ZNF681: variants seen among roughly 807,000 people sequenced by gnomAD.
The protein encoded by ZNF681 is hypothetical protein FLJ31526.
In ZNF681, 37 loss-of-function variants were observed where a neutral mutation model predicts 56.0. That is an observed-to-expected ratio of 0.66 (90% confidence interval 0.51 to 0.87). The LOEUF (loss-of-function observed/expected upper bound fraction) is 0.87. ZNF681 is among the 40% of genes least tolerant of loss of function. The pLI is 0.00. For missense variants in ZNF681, 741 were observed against 744.9 expected, an observed-to-expected ratio of 0.99 and a Z score of 0.06; for synonymous variants, 225 against 248.6, an observed-to-expected ratio of 0.91 and a Z score of 0.89.
At chr19:23,758,145 T>C (rs1302698404) in intron 1 of ZNF681, among the ~76,000 whole-genome samples, 2 of 152,242 alleles carry the variant, frequency 1.3e-5, no homozygotes, top group African/African-American at 4.8e-5. Flanking sequence ...GTACCAATTA[T>C]ATGATGCTTA....
chr19:23,751,474 C>CAAAA lies in ZNF681; in HGVS notation c.226+3345_226+3348dup, dbSNP rs71165893. Among the ~76,000 whole-genome samples, 6 of 122,992 alleles carry CAAAA rather than the reference C, an allele frequency of 4.9e-5. No individual in the cohort carries two copies. In the East Asian group the frequency reaches 9.7e-4, roughly 20 times the overall value. The allele number at this position is 122,992 out of a possible 152,430, so 80.7% of individuals were successfully genotyped here. A position where few individuals can be genotyped will look rare whatever the true frequency, so the allele number is the denominator to read the frequency against. On this transcript the variant is annotated intron_variant, in intron 3 of 3. Transcript: ENST00000402377. Reference sequence around the variant, plus strand: ...CTGGCGACAGAGTGAGACTCCGTCTCAAAAAAAAAAAAAAAAGAAAACAAA... The same window carrying CAAAA: ...CTGGCGACAGAGTGAGACTCCGTCTCAAAAAAAAAAAAAAAAAAAAGAAAACAAA...
intron 3 of ZNF681, among the ~76,000 whole-genome samples, chr19:23,745,762 A>G (rs1267282465): frequency 6.6e-6 from 1 of 152,156 alleles, no homozygotes; most frequent in Non-Finnish European, 1.5e-5. Flanking sequence ...AAAGGCCCTA[A>G]TTTCTTAATA....
rs551398181 is a variant in ZNF681, at chr19:23,755,812, G to T, written c.4-261C>A. Among the ~76,000 whole-genome samples, 67 of 152,234 alleles carry T rather than the reference G, an allele frequency of 4.4e-4. 2 individuals carry two copies. In the South Asian group the frequency reaches 0.014, roughly 32 times the overall value. On this transcript the variant is annotated intron_variant, in intron 1 of 3. Coordinates refer to ENST00000402377, the MANE Select transcript of ZNF681 (RefSeq NM_138286.3). ...AACACCAGACCTAAATAAATCGCCA[G>T]TCAGAATGGCGATTATCAAAAATTC...
At position 23,742,182 on chromosome 19, in the gene ZNF681, C is replaced by G. The variant is rs1247692639; in HGVS notation, c.*1430G>C. 6.6e-6 allele frequency: 1 copy of G among 152,106 alleles called. No homozygotes were observed. Among genetic ancestry groups the G allele is most frequent in the Non-Finnish European group, 1.5e-5 (1 of 68,014 alleles). 9.4% of individuals were successfully genotyped at this position (152,106 alleles called of 1,614,324 possible). A position where few individuals can be genotyped will look rare whatever the true frequency, so the allele number is the denominator to read the frequency against. ...CATTATCTAAAAATTTTAAAATGTACTACATTTTATTACATAAAAGTACAA... is the reference window on the plus strand; with the variant it reads ...CATTATCTAAAAATTTTAAAATGTAGTACATTTTATTACATAAAAGTACAA... On this transcript the variant is annotated 3_prime_UTR_variant, in exon 4 of 4. Coordinates refer to ENST00000402377, the MANE Select transcript of ZNF681 (RefSeq NM_138286.3).
intron 3 of ZNF681, among the ~76,000 whole-genome samples, chr19:23,750,825 T>TAAA (rs56245204): frequency 3.1e-5 from 4 of 128,806 alleles, no homozygotes; most frequent in Admixed American, 8.0e-5. Context: ...ACCGCATCTC[T>TAAA]AAAAAAAAAA....
intron 3 of ZNF681, among the ~76,000 whole-genome samples, chr19:23,750,090 G>A (rs1431326705): frequency 6.6e-6 from 1 of 151,360 alleles, no homozygotes; most frequent in Non-Finnish European, 1.5e-5. Context: ...TTCTAGACCA[G>A]CCTGGTCAAC....
intron 3 of ZNF681, among the ~76,000 whole-genome samples, chr19:23,747,545 C>T (rs1438237072): frequency 2.7e-5 from 4 of 147,684 alleles, no homozygotes; most frequent in African/African-American, 1.0e-4. Flanking sequence ...GAGGCTGAGG[C>T]AGGAGAATGG....
rs1040960475 is a variant in ZNF681 at position 23,744,794 on chromosome 19, T to C, written c.756A>G (p.Lys252=). 23 of 1,612,524 alleles carry C rather than the reference T, an allele frequency of 1.4e-5. No individual in the cohort carries two copies. Among genetic ancestry groups the C allele is most frequent in the Non-Finnish European group, 2.0e-5 (23 of 1,179,464 alleles). Residue 252 remains lysine, a synonymous_variant, in exon 4 of 4, where the codon AAA becomes AAG. Coordinates refer to ENST00000402377, the MANE Select transcript of ZNF681 (RefSeq NM_138286.3). ...TGCTACATTCTTCACGTTTGTAGAG[T>C]TTGTCTCTAGTATAAATTATCTTAT... The part of the protein sequence containing the change: ...TTHKIIYTRD[K]LYKREECSKA...
chr19:23,751,698 T>TTATA (rs1457914394), intron 3 of ZNF681, among the ~76,000 whole-genome samples: 3 of 150,928 alleles, frequency 2.0e-5, no homozygotes, highest in Non-Finnish European at 4.4e-5. Context: ...ATTTATTTAT[T>TTATA]TTTTTGAGAT....
intron 2 of ZNF681, 21 bp from the exon 3 acceptor site, chr19:23,754,939 A>G: frequency 6.3e-7 from 1 of 1,597,228 alleles, no homozygotes; most frequent in South Asian, 1.1e-5. Flanking sequence ...GAAAGTAAAT[A>G]ACATAAATCT....
intron 3 of ZNF681, among the ~76,000 whole-genome samples, chr19:23,751,284 C>G (rs1159398380): frequency 1.3e-5 from 2 of 151,778 alleles, no homozygotes; most frequent in Non-Finnish European, 1.5e-5. Context: ...CAAGGCCAGC[C>G]TGACCAACAT....
At chr19:23,745,593 C>T (rs1247677775) in intron 3 of ZNF681, among the ~76,000 whole-genome samples, 2 of 151,822 alleles carry the variant, frequency 1.3e-5, no homozygotes, top group Admixed American at 6.6e-5. Context: ...GCTAGGATTA[C>T]AGGCATGTGC....
chr19:23,753,471 C>CT (rs1377766563), intron 3 of ZNF681, among the ~76,000 whole-genome samples: 1 of 152,306 alleles, frequency 6.6e-6, no homozygotes, highest in Non-Finnish European at 1.5e-5. Flanking sequence ...GGTAGAAAAT[C>CT]TTTACAATGA....
chr19:23,750,211 G>A (rs1969004378), intron 3 of ZNF681, among the ~76,000 whole-genome samples: 1 of 149,502 alleles, frequency 6.7e-6, no homozygotes, highest in African/African-American at 2.5e-5. Flanking sequence ...TTGAACCCGG[G>A]AGGCAGAGGT....
chr19:23,752,045 G>T (rs11085622), intron 3 of ZNF681, among the ~76,000 whole-genome samples: 3 of 152,098 alleles, frequency 2.0e-5, no homozygotes, highest in Admixed American at 1.3e-4. Flanking sequence ...TATGTAGCAA[G>T]ACCCAATCTC....
chr19:23,750,297 A>C (rs373921220), intron 3 of ZNF681, among the ~76,000 whole-genome samples: 1 of 29,126 alleles, frequency 3.4e-5, no homozygotes. Context: ...AAAAAAAAAA[A>C]AAAAAACCAA....
chr19:23,745,359 A>G (rs1045455695), intron 3 of ZNF681, 36 bp from the exon 4 acceptor site: 4 of 1,450,822 alleles, frequency 2.8e-6, no homozygotes, highest in Non-Finnish European at 3.6e-6. Flanking sequence ...ACTCCACTTG[A>G]TAAGACTCTA....
Position 23,744,067 on chromosome 19 carries a change from T to G in ZNF681, c.1483A>C (p.Thr495Pro). The G allele has an allele frequency of 6.2e-7, 1 of 1,612,184 alleles. No homozygotes were observed. Among genetic ancestry groups the G allele is most frequent in the Non-Finnish European group, 8.5e-7 (1 of 1,179,384 alleles). The change falls in exon 4 of 4, where the codon ACA becomes CCA. Residue 495 changes from threonine to proline, a missense_variant. Thr to Pro is a conservative substitution (Grantham distance 38). Transcript: ENST00000402377. The part of the protein sequence containing the change: ...KAFNQSSILT[T>P]HKRIHTGEKS... The stretch of plus-strand genomic sequence containing the variant: ...TCTCCAGTATGAATTCTCTTATGTG[T>G]AGTAAGGATTGAGGACTGGTTAAAA...
In ZNF681 at chr19:23,758,732, A is replaced by T. The variant is rs1260728484; in HGVS notation, c.3+15T>A. ...CCCTTCCCCTCTCTCGGGATGTCGG[A>T]CCCGACATTCTCACCATTTCTAGGT... On this transcript the variant is annotated intron_variant, in intron 1 of 3. Transcript: ENST00000402377. 1 of 1,614,160 alleles carries T rather than the reference A, an allele frequency of 6.2e-7. No homozygotes were observed.
Sources: gnomAD v4.1 joint callset for allele counts (sites outside exome capture counted in the v4.1 genomes callset) on GRCh38, gnomAD v4.1.1 for gene constraint, MANE v1.5 for transcripts, NCBI Gene and HGNC (gene_info 2026-07-23, HGNC 2026-07-21) for gene names.